Variants in ADAMTS16 observed in about 807,000 individuals in gnomAD.
ADAMTS16 encodes A disintegrin and metalloproteinase with thrombospondin motifs 16.
A neutral mutation model predicts 145.8 loss-of-function variants in ADAMTS16; 94 were observed. The ratio of observed to expected loss-of-function variants is 0.64; its 90% CI spans 0.55 to 0.77. The LOEUF is 0.77. ADAMTS16 is among the 30% of genes least tolerant of loss of function. ADAMTS16 has a pLI of 0.00. For synonymous variants in ADAMTS16, 659 were observed against 604.3 expected, an observed-to-expected ratio of 1.09 and a Z score of -1.33; for missense variants, 1,585 against 1,591.5, an observed-to-expected ratio of 1.00 and a Z score of 0.07.
At chr5:5,313,694 A>G (rs560093456) in intron 21 of ADAMTS16, among the ~76,000 whole-genome samples, 34 of 152,372 alleles carry the variant, frequency 2.2e-4, no homozygotes, top group African/African-American at 7.7e-4. Context: ...GTGTCAGAGA[A>G]TGAATTTGAT....
At chr5:5,252,550 A>C (rs1737659871) in intron 17 of ADAMTS16, among the ~76,000 whole-genome samples, 1 of 152,108 alleles carries the variant, frequency 6.6e-6, no homozygotes, top group African/African-American at 2.4e-5. Context: ...AAGCCTGAGG[A>C]TCATTAGCGG....
chr5:5,274,043 AC>A (rs1414424206), intron 18 of ADAMTS16, among the ~76,000 whole-genome samples: 1 of 152,044 alleles, frequency 6.6e-6, no homozygotes, highest in Non-Finnish European at 1.5e-5. Context: ...ATTTTTAAAG[AC>A]CTTTTTTTCC....
chr5:5,218,876 C>G (rs1736511690), intron 10 of ADAMTS16, among the ~76,000 whole-genome samples: 1 of 152,164 alleles, frequency 6.6e-6, no homozygotes, highest in African/African-American at 2.4e-5. Context: ...ATTCATCTTT[C>G]CACCGTCACT....
intron 21 of ADAMTS16, among the ~76,000 whole-genome samples, chr5:5,314,688 A>G (rs1733962259): frequency 6.6e-6 from 1 of 152,176 alleles, no homozygotes; most frequent in Non-Finnish European, 1.5e-5. Flanking sequence ...TTTTCTCCCC[A>G]TGGATTTTTT....
chr5:5,259,922 T>C (rs944736078), intron 17 of ADAMTS16, among the ~76,000 whole-genome samples: 3 of 152,100 alleles, frequency 2.0e-5, no homozygotes. Flanking sequence ...CCTGAGCAGC[T>C]CCCTCCCCCG....
chr5:5,162,464 T>A (rs1444535788), intron 3 of ADAMTS16, among the ~76,000 whole-genome samples: 1 of 152,154 alleles, frequency 6.6e-6, no homozygotes, highest in Non-Finnish European at 1.5e-5. Flanking sequence ...CCCAGGAACA[T>A]TCCCATGAGC....
intron 9 of ADAMTS16, among the ~76,000 whole-genome samples, chr5:5,208,861 C>T (rs1316441137): frequency 2.0e-5 from 3 of 152,118 alleles, no homozygotes; most frequent in East Asian, 3.8e-4. Context: ...AAGTACAAAT[C>T]GTCTCCCTGG....
intron 21 of ADAMTS16, among the ~76,000 whole-genome samples, chr5:5,307,189 TCTC>T (rs1269184003): frequency 6.6e-6 from 1 of 152,000 alleles, no homozygotes; most frequent in Non-Finnish European, 1.5e-5. Flanking sequence ...TTCCTGTGTT[TCTC>T]CTCGTCTGTG....
At chr5:5,251,289 T>A (rs1737614744) in intron 17 of ADAMTS16, among the ~76,000 whole-genome samples, 1 of 152,202 alleles carries the variant, frequency 6.6e-6, no homozygotes, top group Non-Finnish European at 1.5e-5. Context: ...TGTCACTATG[T>A]CATCTGTATC....
intron 8 of ADAMTS16, among the ~76,000 whole-genome samples, chr5:5,192,461 G>A (rs1022107725): frequency 2.6e-5 from 4 of 152,250 alleles, no homozygotes; most frequent in South Asian, 4.1e-4. Flanking sequence ...ATATATTTAT[G>A]TATTTACAAT....
intron 18 of ADAMTS16, among the ~76,000 whole-genome samples, chr5:5,301,261 C>T (rs1739756812): frequency 6.6e-6 from 1 of 152,028 alleles, no homozygotes; most frequent in Non-Finnish European, 1.5e-5. Context: ...TGGGTTTTTG[C>T]CATGTTGCCC....
At chr5:5,179,306 C>A (rs1735275947) in intron 3 of ADAMTS16, among the ~76,000 whole-genome samples, 1 of 151,882 alleles carries the variant, frequency 6.6e-6, no homozygotes, top group African/African-American at 2.4e-5. Context: ...TGAATCACAT[C>A]TATTCTAGGT....
intron 2 of ADAMTS16, among the ~76,000 whole-genome samples, chr5:5,143,832 G>C (rs758179553): frequency 4.3e-4 from 66 of 152,154 alleles, no homozygotes; most frequent in South Asian, 1.0e-3. Flanking sequence ...CATTTGCAGG[G>C]ACATGGATGA....
chr5:5,173,257 T>C (rs1735096519), intron 3 of ADAMTS16, among the ~76,000 whole-genome samples: 1 of 152,022 alleles, frequency 6.6e-6, no homozygotes, highest in Admixed American at 6.6e-5. Context: ...TCAATTTTAT[T>C]ATTGATAAGT....
rs1460788245 is a variant in ADAMTS16, at chr5:5,206,972, C to T, written c.1452-2121C>T. ...CATTCTTTGTAACTTTATAGTAAGT[C>T]TTGAAGTTAGGTATTGTCAGTCTTT... On this transcript the variant is annotated intron_variant, in intron 9 of 22. Coordinates refer to ENST00000274181, the MANE Select transcript of ADAMTS16 (RefSeq NM_139056.4). Among the ~76,000 whole-genome samples, 4 of 152,116 alleles carry T rather than the reference C, an allele frequency of 2.6e-5. No individual in the cohort carries two copies. In the East Asian group the frequency reaches 5.8e-4, roughly 22 times the overall value.
intron 10 of ADAMTS16, among the ~76,000 whole-genome samples, chr5:5,222,482 T>G (rs368228719): frequency 6.6e-6 from 1 of 152,330 alleles, no homozygotes; most frequent in East Asian, 1.9e-4. Context: ...TTATTTTAAC[T>G]TTTTATAGTT....
intron 21 of ADAMTS16, among the ~76,000 whole-genome samples, chr5:5,314,392 A>G (rs776113844): frequency 6.6e-6 from 1 of 152,176 alleles, no homozygotes; most frequent in Admixed American, 6.5e-5. Context: ...TCAAGGCTCC[A>G]GGTGATTTTT....
rs768824780 is a variant in ADAMTS16 at position 5,318,276 on chromosome 5, A to G, written c.3554A>G (p.Lys1185Arg). Residue 1185 changes from lysine (K) to arginine (R), a missense_variant, in exon 22 of 23, where the codon AAG (lysine) becomes AGG (arginine). Around this residue, in one of 3 missense-constraint regions of ADAMTS16, gnomAD observed 834 missense variants for 811.7 expected, o/e 1.03. Coordinates refer to ENST00000274181, the MANE Select transcript of ADAMTS16 (RefSeq NM_139056.4). ...ACTCACTTCTGCCCCATTGCAGAGAAGAAAGGTGAGTACATGGGGCCCCTC... is the reference window on the plus strand; with the variant it reads ...ACTCACTTCTGCCCCATTGCAGAGAGGAAAGGTGAGTACATGGGGCCCCTC... Reference protein sequence around the residue: ...CNTHFCPIAEKKDAFCKDYFH... With the variant: ...CNTHFCPIAERKDAFCKDYFH... 3.4e-6 allele frequency: 5 copies of G among 1,469,500 alleles called. No individual in the cohort carries two copies. The East Asian group carries it at 7.4e-5, about 22-fold the overall frequency. 91.0% of individuals were successfully genotyped at this position (1,469,500 alleles called of 1,614,324 possible).
intron 21 of ADAMTS16, among the ~76,000 whole-genome samples, chr5:5,313,089 T>TA (rs1740522845): frequency 6.6e-6 from 1 of 152,262 alleles, no homozygotes; most frequent in South Asian, 2.1e-4. Flanking sequence ...CGGTCTGAGA[T>TA]ACTCAATCTG....
Sources: gnomAD v4.1 joint callset for allele counts (sites outside exome capture counted in the v4.1 genomes callset) on GRCh38, gnomAD v4.1.1 for gene constraint, gnomAD v4.1.1 regional missense constraint, MANE v1.5 for transcripts, NCBI Gene and HGNC (gene_info 2026-07-23, HGNC 2026-07-21) for gene names.